TASL: variants seen among roughly 807,000 people sequenced by gnomAD.
The protein encoded by TASL is TLR adapter interacting with SLC15A4 on the lysosome.
In TASL, 6 loss-of-function variants were observed where a neutral mutation model predicts 12.9. The observed-to-expected ratio is 0.46, with a 90% CI of 0.25 to 0.92. The LOEUF is 0.92. Among genes scored for constraint, TASL ranks in the 40% least tolerant of loss-of-function variants. The pLI is 0.17. For synonymous variants in TASL, 85 were observed against 79.3 expected (o/e 1.07, Z -0.38); for missense variants, 165 against 212.8 (o/e 0.78, Z 1.40).
intron 1 of TASL, 46 bp from the exon 2 acceptor site, chrX:30,576,912 A>G (rs1930714410): frequency 1.8e-5 from 2 of 112,271 alleles, no homozygotes; most frequent in Non-Finnish European, 3.8e-5. Flanking sequence ...ATTCTGTCCA[A>G]ACCAGGTCTA....
chrX:30,575,588 T>C (rs1029438210), intron 2 of TASL, among the ~76,000 whole-genome samples: 1 of 112,290 alleles, frequency 8.9e-6, no homozygotes, highest in Non-Finnish European at 1.9e-5. Flanking sequence ...GGATTATCTA[T>C]TCTTGTATCA....
intron 1 of TASL, among the ~76,000 whole-genome samples, 184 bp from the exon 2 acceptor site, chrX:30,577,050 CAGATG>C (rs923967957): frequency 8.9e-6 from 1 of 112,105 alleles, no homozygotes; most frequent in Non-Finnish European, 1.9e-5. Flanking sequence ...CCAAATCACC[CAGATG>C]AAAGTCGAAA....
At chrX:30,573,851 G>A (rs918173256) in intron 2 of TASL, among the ~76,000 whole-genome samples, 2 of 111,659 alleles carry the variant, frequency 1.8e-5, no homozygotes, top group Non-Finnish European at 3.8e-5. Flanking sequence ...CCAGGAGGCA[G>A]AGGTTGCAGT....
intron 2 of TASL, among the ~76,000 whole-genome samples, chrX:30,562,673 G>A (rs927208377): frequency 4.5e-5 from 5 of 110,416 alleles, no homozygotes; most frequent in African/African-American, 1.3e-4. Flanking sequence ...AAACTTAGAC[G>A]CACATCCAAG....
chrX:30,568,771 G>A (rs1930541665), intron 2 of TASL, among the ~76,000 whole-genome samples: 1 of 110,807 alleles, frequency 9.0e-6, no homozygotes, highest in African/African-American at 3.3e-5. Flanking sequence ...AAAGGGCCTA[G>A]AATTTTATTT....
At position 30,559,302 on chromosome X, in the gene TASL, C is replaced by T; in HGVS notation, c.*148G>A. The T allele has an allele frequency of 2.3e-6, 1 of 433,821 alleles. No homozygotes were observed. Among genetic ancestry groups the T allele is most frequent in the Non-Finnish European group, 4.0e-6 (1 of 252,461 alleles). 35.8% of individuals were successfully genotyped at this position (433,821 alleles called of 1,213,427 possible). A position where few individuals can be genotyped will look rare whatever the true frequency, so the allele number is the denominator to read the frequency against. On this transcript the variant is annotated 3_prime_UTR_variant, in exon 3 of 3. Transcript: ENST00000378962. The stretch of plus-strand genomic sequence containing the variant: ...TCAAGTGTAATATTATGAGATTTCT[C>T]CATGATTCACACATGACTTCCAGCT...
intron 2 of TASL, among the ~76,000 whole-genome samples, chrX:30,571,264 A>AAGAAAGAAAGAAAGAAAG (rs1930601604): frequency 3.4e-5 from 1 of 29,092 alleles, no homozygotes; most frequent in Admixed American, 3.7e-4. Flanking sequence ...AAGAGAAAGA[A>AAGAAAGAAAGAAAGAAAG]AGAAAGAAAG....
chrX:30,559,827 G>A lies in TASL; in HGVS notation c.529C>T (p.Pro177Ser), dbSNP rs369573227. 4.0e-5 allele frequency: 48 copies of A among 1,208,632 alleles called. No individual in the cohort carries two copies. Among genetic ancestry groups the A allele is most frequent in the Non-Finnish European group, 5.1e-5 (46 of 894,709 alleles). The change falls in exon 3 of 3, where the codon CCC becomes TCC. Residue 177 changes from proline (P) to serine (S), a missense_variant. Coordinates refer to ENST00000378962, the MANE Select transcript of TASL (RefSeq NM_025159.3). ...DSISTQPSDF[P>S]QKPIQRYSSY... is the part of the protein sequence containing the mutation. The stretch of plus-strand genomic sequence containing the variant: ...GAGTACCGCTGGATAGGTTTTTGGG[G>A]AAAGTCACTGGGCTGAGTAGAAATG...
At chrX:30,570,253 CACACACAT>C (rs1000207756) in intron 2 of TASL, among the ~76,000 whole-genome samples, 6 of 109,438 alleles carry the variant, frequency 5.5e-5, no homozygotes, top group African/African-American at 2.0e-4. Flanking sequence ...CACACACACA[CACACACAT>C]ATATATGAAG....
intron 2 of TASL, among the ~76,000 whole-genome samples, chrX:30,566,344 T>C (rs1313170625): frequency 2.7e-5 from 3 of 109,477 alleles, no homozygotes; most frequent in Admixed American, 9.6e-5. Flanking sequence ...CCGTCTTTAC[T>C]AAAAATACAA....
At chrX:30,560,591 C>G (rs1232401498) in intron 2 of TASL, among the ~76,000 whole-genome samples, 1 of 107,261 alleles carries the variant, frequency 9.3e-6, no homozygotes, top group Admixed American at 1.0e-4. Flanking sequence ...AAAAAATCAA[C>G]TAGATATAAA....
At chrX:30,560,575 T>C (rs1336413738) in intron 2 of TASL, among the ~76,000 whole-genome samples, 1 of 108,199 alleles carries the variant, frequency 9.2e-6, no homozygotes. Flanking sequence ...AGTTTCCCAC[T>C]ATAGGAAAAA....
rs76049701 is a variant in TASL, at chrX:30,560,663, T to TG, written c.-1-308dup. 6.5e-3 allele frequency among the ~76,000 whole-genome samples: 627 copies of TG among 96,808 alleles called. 3 individuals carry two copies. Among genetic ancestry groups the TG allele is most frequent in the African/African-American group, 0.022 (574 of 25,993 alleles). 84.1% of individuals were successfully genotyped at this position (96,808 alleles called of 115,157 possible). ...GATAGGTAAAAAGGAAGTACAGGGG[T>TG]GGGGGGGTCCCTAACTTAGCCTGGG... On this transcript the variant is annotated intron_variant, in intron 2 of 2. Coordinates refer to ENST00000378962, the MANE Select transcript of TASL (RefSeq NM_025159.3).
intron 2 of TASL, among the ~76,000 whole-genome samples, chrX:30,574,808 A>G (rs12014280): frequency 0.063 from 6,981 of 111,647 alleles, 247 homozygotes; most frequent in African/African-American, 0.14. Context: ...GGGCACTGAG[A>G]TTAGTCTTGC....
chrX:30,571,274 GAA>G (rs1555998459), intron 2 of TASL, among the ~76,000 whole-genome samples: 28 of 59,946 alleles, frequency 4.7e-4, no homozygotes, highest in Non-Finnish European at 9.2e-4. Context: ...AAGAAAGAAA[GAA>G]AGAAAGAAAG....
At chrX:30,566,927 A>G (rs188849320) in intron 2 of TASL, among the ~76,000 whole-genome samples, 78 of 112,180 alleles carry the variant, frequency 7.0e-4, no homozygotes, top group Middle Eastern at 4.6e-3. Flanking sequence ...ACACTTGGCT[A>G]GTAGCTGCCA....
intron 2 of TASL, among the ~76,000 whole-genome samples, chrX:30,566,153 T>C (rs1288381758): frequency 5.4e-5 from 6 of 111,628 alleles, no homozygotes; most frequent in Non-Finnish European, 1.1e-4. Flanking sequence ...AAGTAACATC[T>C]GAGTAATTAA....
chrX:30,576,278 C>T (rs1444497368), intron 2 of TASL, among the ~76,000 whole-genome samples: 1 of 111,407 alleles, frequency 9.0e-6, no homozygotes, highest in African/African-American at 3.3e-5. Flanking sequence ...TTAGGAGATA[C>T]ATGCTCAAGA....
chrX:30,576,783 A>T lies in TASL; in HGVS notation c.-33T>A, dbSNP rs1429297253. ...ATATCTCCAAAATTCCACTTATGAT[A>T]TGGATGTTTGACACAGACTTCAAAT... On this transcript the variant is annotated 5_prime_UTR_variant, in exon 2 of 3. Transcript: ENST00000378962. The T allele has an allele frequency of 8.9e-6, 1 of 111,952 alleles. No individual in the cohort carries two copies. Among genetic ancestry groups the T allele is most frequent in the Admixed American group, 9.5e-5 (1 of 10,516 alleles). The allele number at this position is 111,952 out of a possible 1,213,427, so 9.2% of individuals were successfully genotyped here.
Sources: gnomAD v4.1 joint callset for allele counts (sites outside exome capture counted in the v4.1 genomes callset) on GRCh38, gnomAD v4.1.1 for gene constraint, MANE v1.5 for transcripts, NCBI Gene and HGNC (gene_info 2026-07-23, HGNC 2026-07-21) for gene names.